The following GPR158 variants were observed in gnomAD, a reference collection of about 807,000 sequenced individuals.
GPR158 encodes the protein metabotropic glycine receptor.
A neutral mutation model predicts 78.2 loss-of-function variants in GPR158; 30 were observed. That is an observed-to-expected ratio of 0.38 (90% CI 0.29 to 0.52). The LOEUF (loss-of-function observed/expected upper bound fraction) is 0.52, where lower values mean the gene tolerates loss of function less well. GPR158 is among the 20% of genes least tolerant of loss of function. GPR158 has a pLI of 0.83. For missense variants in GPR158, 1,463 were observed against 1,523.5 expected, an observed-to-expected ratio of 0.96 and a Z score of 0.66; for synonymous variants, 581 against 591.1, an observed-to-expected ratio of 0.98 and a Z score of 0.25.
intron 1 of GPR158, among the ~76,000 whole-genome samples, chr10:25,187,707 C>T (rs1195832218): frequency 3.4e-5 from 5 of 147,936 alleles, no homozygotes; most frequent in African/African-American, 1.3e-4. Context: ...GAAGCATTCC[C>T]TTTGAAAACT....
chr10:25,577,529 G>C (rs374615408), intron 7 of GPR158, among the ~76,000 whole-genome samples: 3 of 152,310 alleles, frequency 2.0e-5, no homozygotes, highest in African/African-American at 7.2e-5. Flanking sequence ...TAAATCATTT[G>C]AGAGAGTGAA....
chr10:25,334,316 A>G (rs1032633401), intron 2 of GPR158, among the ~76,000 whole-genome samples: 2 of 152,108 alleles, frequency 1.3e-5, no homozygotes, highest in Non-Finnish European at 2.9e-5. Flanking sequence ...AAAATTTGGA[A>G]CAATTATTAA....
Position 25,594,262 on chromosome 10 carries a change from G to T in GPR158, c.1893-30G>T, listed in dbSNP as rs1837374089. ...TGTTCTAAGTAGAATCTTAATCTTG[G>T]ATTGTTAACTCAATGAATTCTCATT... On this transcript the variant is annotated intron_variant, in intron 8 of 10. Coordinates refer to ENST00000376351, the MANE Select transcript of GPR158 (RefSeq NM_020752.3). 8.6e-6 allele frequency: 9 copies of T among 1,041,284 alleles called. No homozygotes were observed. In the East Asian group the frequency reaches 2.1e-4, roughly 25 times the overall value. The allele number at this position is 1,041,284 out of a possible 1,614,324, so 64.5% of individuals were successfully genotyped here. A position where few individuals can be genotyped will look rare whatever the true frequency, so the allele number is the denominator to read the frequency against.
At chr10:25,349,704 C>T (rs1223669731) in intron 2 of GPR158, among the ~76,000 whole-genome samples, 1 of 146,794 alleles carries the variant, frequency 6.8e-6, no homozygotes, top group African/African-American at 2.7e-5. Context: ...GTTAAACCTC[C>T]TTTCTTCATA....
intron 4 of GPR158, among the ~76,000 whole-genome samples, chr10:25,442,495 C>T (rs1176820161): frequency 6.6e-6 from 1 of 151,920 alleles, no homozygotes; most frequent in Non-Finnish European, 1.5e-5. Context: ...CAATCTCAGA[C>T]ATTTTCTCTC....
chr10:25,269,104 T>C (rs569172181), intron 2 of GPR158, among the ~76,000 whole-genome samples: 3 of 152,288 alleles, frequency 2.0e-5, no homozygotes, highest in South Asian at 4.1e-4. Flanking sequence ...AGCTGGCACA[T>C]GGTTAACACT....
chr10:25,285,090 G>GTGTGTA (rs1207632341), intron 2 of GPR158, among the ~76,000 whole-genome samples: 6 of 151,558 alleles, frequency 4.0e-5, no homozygotes, highest in African/African-American at 1.5e-4. Context: ...GTGTGTGTGT[G>GTGTGTA]TATGCATGTG....
intron 2 of GPR158, among the ~76,000 whole-genome samples, chr10:25,304,757 G>A (rs1360431072): frequency 6.6e-6 from 1 of 152,114 alleles, no homozygotes; most frequent in African/African-American, 2.4e-5. Flanking sequence ...AAGTATCACA[G>A]TGAATTGTAG....
intron 2 of GPR158, among the ~76,000 whole-genome samples, chr10:25,306,380 C>T (rs1049526652): frequency 6.6e-6 from 1 of 152,114 alleles, no homozygotes; most frequent in Non-Finnish European, 1.5e-5. Flanking sequence ...GTGCATTATT[C>T]CATAAATACT....
chr10:25,279,141 C>T (rs1854229485), intron 2 of GPR158, among the ~76,000 whole-genome samples: 1 of 152,066 alleles, frequency 6.6e-6, no homozygotes, highest in Admixed American at 6.5e-5. Flanking sequence ...TAAATGACAA[C>T]ACTACTACTA....
chr10:25,388,315 G>A (rs746614772), intron 2 of GPR158, among the ~76,000 whole-genome samples: 5 of 152,302 alleles, frequency 3.3e-5, no homozygotes, highest in South Asian at 2.1e-4. Flanking sequence ...CAGCAGTGGC[G>A]GCAGTGGGTC....
chr10:25,418,942 T>C (rs1449361516), intron 4 of GPR158, among the ~76,000 whole-genome samples: 2 of 151,608 alleles, frequency 1.3e-5, no homozygotes, highest in African/African-American at 4.8e-5. Flanking sequence ...ACAATGCTAA[T>C]TTTTTGTTTG....
chr10:25,567,053 AAAG>A (rs1485666019), intron 6 of GPR158, among the ~76,000 whole-genome samples: 2 of 152,052 alleles, frequency 1.3e-5, no homozygotes, highest in African/African-American at 4.8e-5. Context: ...ATTAGACTCT[AAAG>A]AAGAAGCTCA....
intron 4 of GPR158, among the ~76,000 whole-genome samples, chr10:25,424,054 A>G (rs551423420): frequency 6.6e-6 from 1 of 152,228 alleles, no homozygotes; most frequent in South Asian, 2.1e-4. Context: ...TTGTTTCCTG[A>G]CTTTTTGATG....
At chr10:25,582,211 G>A (rs1002653787) in intron 7 of GPR158, among the ~76,000 whole-genome samples, 4 of 152,122 alleles carry the variant, frequency 2.6e-5, no homozygotes, top group African/African-American at 9.7e-5. Flanking sequence ...ACAGAGAGAC[G>A]AAATGGAAGA....
At chr10:25,269,664 TTA>T (rs1231202135) in intron 2 of GPR158, among the ~76,000 whole-genome samples, 2 of 152,170 alleles carry the variant, frequency 1.3e-5, no homozygotes, top group Non-Finnish European at 2.9e-5. Flanking sequence ...CACGTAAACT[TTA>T]TATGAGTTAA....
At chr10:25,341,064 A>G (rs1279173412) in intron 2 of GPR158, among the ~76,000 whole-genome samples, 1 of 152,070 alleles carries the variant, frequency 6.6e-6, no homozygotes, top group East Asian at 1.9e-4. Context: ...GACATCTTCA[A>G]AATGCCAAAA....
chr10:25,245,248 C>T (rs907486643), intron 2 of GPR158, among the ~76,000 whole-genome samples: 6 of 152,212 alleles, frequency 3.9e-5, no homozygotes, highest in Admixed American at 3.9e-4. Flanking sequence ...AACAAACAAC[C>T]TGTTCTTCTA....
chr10:25,366,844 CTA>C (rs72410284), intron 2 of GPR158, among the ~76,000 whole-genome samples: 99,859 of 151,150 alleles, frequency 0.66, 34,043 homozygotes, highest in Non-Finnish European at 0.75. Context: ...TGAAACCTTT[CTA>C]TATGTTTATT....
Sources: allele counts gnomAD v4.1 joint callset (sites outside exome capture counted in the v4.1 genomes callset), GRCh38; gene constraint gnomAD v4.1.1; transcripts MANE v1.5; gene names NCBI Gene and HGNC (gene_info 2026-07-23, HGNC 2026-07-21).